Variants in DCDC1 observed in about 807,000 individuals in gnomAD.
DCDC1 encodes the protein doublecortin domain-containing protein 1.
DCDC1 carries 200 observed loss-of-function variants against 178.3 expected under a neutral mutation model. The observed-to-expected ratio is 1.12, with a 90% CI of 1.00 to 1.26. The LOEUF is 1.26. Ranked by LOEUF, DCDC1 falls within the 50% of genes most tolerant of loss-of-function variation. The pLI is 0.00. For missense variants in DCDC1, 1,983 were observed against 1,749.2 expected (o/e 1.13, Z -2.38); for synonymous variants, 690 against 604.8 (o/e 1.14, Z -2.07).
At chr11:30,964,767 T>G (rs1949331044) in intron 20 of DCDC1, among the ~76,000 whole-genome samples, 1 of 152,198 alleles carries the variant, frequency 6.6e-6, no homozygotes, top group Non-Finnish European at 1.5e-5. Context: ...CTTCCAATGT[T>G]AACCACATCT....
At chr11:31,284,609 A>G (rs900317013) in intron 7 of DCDC1, among the ~76,000 whole-genome samples, 2 of 152,054 alleles carry the variant, frequency 1.3e-5, no homozygotes, top group African/African-American at 4.8e-5. Flanking sequence ...ACACAGAAAT[A>G]CATTTTAACT....
intron 8 of DCDC1, among the ~76,000 whole-genome samples, chr11:31,264,780 T>C (rs1194219715): frequency 1.3e-5 from 2 of 152,174 alleles, no homozygotes; most frequent in African/African-American, 4.8e-5. Flanking sequence ...ATACATACTT[T>C]GAGGGACAAT....
chr11:31,115,719 T>C lies in DCDC1; in HGVS notation c.1486-5358A>G, dbSNP rs907545393. ...CAAGATTTGCCTGCAGGAAGTTTACTGGGAACTCTCTGAGGACCAATGTTG... is the reference window on the plus strand; with the variant it reads ...CAAGATTTGCCTGCAGGAAGTTTACCGGGAACTCTCTGAGGACCAATGTTG... On this transcript the variant is annotated intron_variant, in intron 11 of 38. Transcript: ENST00000684477. Among the ~76,000 whole-genome samples the C allele has an allele frequency of 4.6e-5, 7 of 152,182 alleles. No homozygotes were observed. In the East Asian group the frequency reaches 1.2e-3, roughly 25 times the overall value.
At chr11:31,330,808 G>GTA (rs1949938755) in intron 2 of DCDC1, among the ~76,000 whole-genome samples, 2 of 152,314 alleles carry the variant, frequency 1.3e-5, no homozygotes, top group African/African-American at 4.8e-5. Context: ...TAGCCTTGTA[G>GTA]TATAGTTTGA....
At chr11:31,063,402 G>A (rs1956063328) in intron 20 of DCDC1, among the ~76,000 whole-genome samples, 1 of 152,246 alleles carries the variant, frequency 6.6e-6, no homozygotes, top group African/African-American at 2.4e-5. Context: ...ACATGCACAG[G>A]TATGTTTATT....
At chr11:30,961,497 G>T (rs1487433049) in intron 20 of DCDC1, among the ~76,000 whole-genome samples, 1 of 151,958 alleles carries the variant, frequency 6.6e-6, no homozygotes, top group African/African-American at 2.4e-5. Context: ...TCCCACGACT[G>T]TTAAAGAAAC....
intron 38 of DCDC1, among the ~76,000 whole-genome samples, chr11:30,877,181 T>A (rs1017255348): frequency 5.3e-5 from 8 of 152,168 alleles, no homozygotes; most frequent in African/African-American, 1.2e-4. Flanking sequence ...GAGTAAATAC[T>A]AGGCCTTTTG....
At chr11:31,257,816 A>G (rs1224876826) in intron 8 of DCDC1, among the ~76,000 whole-genome samples, 1 of 152,136 alleles carries the variant, frequency 6.6e-6, no homozygotes, top group Non-Finnish European at 1.5e-5. Flanking sequence ...AGAAGTTCTT[A>G]TAAAAGGGTA....
At chr11:31,304,709 C>G (rs1040906077) in intron 6 of DCDC1, among the ~76,000 whole-genome samples, 3 of 152,048 alleles carry the variant, frequency 2.0e-5, no homozygotes, top group Non-Finnish European at 4.4e-5. Flanking sequence ...CAATTACTGC[C>G]TAGACTTGCC....
chr11:31,117,223 G>A (rs1342157653), intron 11 of DCDC1, among the ~76,000 whole-genome samples: 1 of 152,100 alleles, frequency 6.6e-6, no homozygotes, highest in Non-Finnish European at 1.5e-5. Flanking sequence ...GCCTAGGGTA[G>A]GCTGGGATTA....
At chr11:30,891,064 C>A (rs1395057862) in intron 36 of DCDC1, among the ~76,000 whole-genome samples, 1 of 152,118 alleles carries the variant, frequency 6.6e-6, no homozygotes, top group Non-Finnish European at 1.5e-5. Context: ...AAGAGTTGTA[C>A]TTCCAGAGTG....
At chr11:31,140,199 T>C (rs1392304280) in intron 9 of DCDC1, among the ~76,000 whole-genome samples, 1 of 152,202 alleles carries the variant, frequency 6.6e-6, no homozygotes, top group African/African-American at 2.4e-5. Context: ...TTGCTGTTCT[T>C]ATCTAAAATA....
At chr11:31,147,966 T>C (rs1964633499) in intron 9 of DCDC1, among the ~76,000 whole-genome samples, 1 of 152,152 alleles carries the variant, frequency 6.6e-6, no homozygotes, top group East Asian at 1.9e-4. Context: ...CTGATTGGCC[T>C]GGCTGGGGTC....
chr11:31,290,851 G>C lies in DCDC1; in HGVS notation c.756C>G (p.Asp252Glu). 1 of 1,602,162 alleles carries C rather than the reference G, an allele frequency of 6.2e-7. No individual in the cohort carries two copies. The highest frequency in any genetic ancestry group is 1.1e-5 in the South Asian group (1 of 88,344). The change falls in exon 7 of 39, where the codon GAC (aspartate) becomes GAG (glutamate). Residue 252 changes from aspartate (D) to glutamate (E), a missense_variant and splice_region_variant. Physicochemically the swap from Asp to Glu is conservative, Grantham distance 45. Transcript: ENST00000684477. Reference sequence around the variant, plus strand: ...TTACTTTCTTAATTAACAACAGATGGTCTAGAAGATAATTTTTTAAGTCAA... The same window carrying C: ...TTACTTTCTTAATTAACAACAGATGCTCTAGAAGATAATTTTTTAAGTCAA... ...PFLNPFKKIK[D>E]HLLLIKKVTW...
chr11:31,268,620 AC>A (rs1349211069), intron 7 of DCDC1, among the ~76,000 whole-genome samples: 1 of 152,144 alleles, frequency 6.6e-6, no homozygotes, highest in Non-Finnish European at 1.5e-5. Context: ...TATCCAATCC[AC>A]TGCTGATGGG....
At chr11:31,357,203 A>C (rs1467061017) in intron 1 of DCDC1, among the ~76,000 whole-genome samples, 1 of 152,102 alleles carries the variant, frequency 6.6e-6, no homozygotes, top group Non-Finnish European at 1.5e-5. Context: ...ATACTGGCAA[A>C]CTGAATCCAG....
chr11:31,327,477 T>C (rs1187514116), intron 3 of DCDC1, among the ~76,000 whole-genome samples: 2 of 152,084 alleles, frequency 1.3e-5, no homozygotes, highest in Admixed American at 6.5e-5. Flanking sequence ...GCCTCTAGTA[T>C]TGTTTTGAGA....
At chr11:30,919,898 A>G (rs113429006) in intron 25 of DCDC1, among the ~76,000 whole-genome samples, 4,567 of 152,292 alleles carry the variant, frequency 0.03, 212 homozygotes, top group African/African-American at 0.1. Flanking sequence ...ATGTGACAGA[A>G]TCTTTGCCCT....
At position 31,244,539 on chromosome 11, in the gene DCDC1, C is replaced by T. The variant is rs983927596; in HGVS notation, c.1055-2923G>A. Among the ~76,000 whole-genome samples, 7 of 151,750 alleles carry T rather than the reference C, an allele frequency of 4.6e-5. No individual in the cohort carries two copies. In the East Asian group the frequency reaches 1.2e-3, roughly 25 times the overall value. On this transcript the variant is annotated intron_variant, in intron 8 of 38. Transcript: ENST00000684477. ...CCTATGGTCTTTTAATATTTGTGTG[C>T]GTAACTACACATAAACATTTCTTCT...
Sources: allele counts gnomAD v4.1 joint callset (sites outside exome capture counted in the v4.1 genomes callset), GRCh38; gene constraint gnomAD v4.1.1; transcripts MANE v1.5; gene names NCBI Gene and HGNC (gene_info 2026-07-23, HGNC 2026-07-21).